Variants in MGA observed in about 807,000 individuals in gnomAD.
MGA encodes MAX dimerization protein MGA, also known as MAX gene-associated protein.
A neutral mutation model predicts 261.1 loss-of-function variants in MGA; 40 were observed. The ratio of observed to expected loss-of-function variants is 0.15; its 90% confidence interval spans 0.12 to 0.20. The LOEUF (loss-of-function observed/expected upper bound fraction) is 0.20, where lower values mean the gene tolerates loss of function less well. MGA is among the 10% of genes least tolerant of loss of function. The pLI, the probability that MGA is intolerant of heterozygous loss-of-function variation, is 1.00. For missense variants in MGA, 3,397 were observed against 3,630.5 expected, an observed-to-expected ratio of 0.94 and a Z score of 1.65; for synonymous variants, 1,302 against 1,290.6, an observed-to-expected ratio of 1.01 and a Z score of -0.19.
chr15:41,749,807 A>T lies in MGA; in HGVS notation c.6200A>T (p.Glu2067Val), dbSNP rs775182989. The change falls in exon 17 of 24, where the codon GAA becomes GTA. Residue 2067 changes from glutamate (E) to valine (V), a missense_variant. Glu to Val is a moderately radical substitution (Grantham distance 121, BLOSUM62 -2). This residue lies in a region of MGA where 1,410 missense variants were observed against 1,386.4 expected (regional missense o/e 1.02). Transcript: ENST00000219905. Reference sequence around the variant, plus strand: ...GATCAAGATTATAAAGATGTTAATGAAGAATATGGGGCTAGGAATCGTAAG... The same window carrying T: ...GATCAAGATTATAAAGATGTTAATGTAGAATATGGGGCTAGGAATCGTAAG... 4.3e-6 allele frequency: 7 copies of T among 1,613,984 alleles called. No homozygotes were observed. In the East Asian group the frequency reaches 1.6e-4, roughly 36 times the overall value.
At chr15:41,685,728 T>C (rs1215375213) in intron 2 of MGA, among the ~76,000 whole-genome samples, 1 of 152,146 alleles carries the variant, frequency 6.6e-6, no homozygotes, top group Non-Finnish European at 1.5e-5. Flanking sequence ...ACGTGGTGGC[T>C]CATGCTTGTA....
chr15:41,687,546 A>ATTT (rs2059035066), intron 2 of MGA, among the ~76,000 whole-genome samples: 1 of 152,052 alleles, frequency 6.6e-6, no homozygotes, highest in South Asian at 2.1e-4. Flanking sequence ...TAGATAATTG[A>ATTT]TTTTAGACTT....
rs990980251 is a variant in MGA at position 41,708,195 on chromosome 15, A to C, written c.2412A>C (p.Ala804=). The C allele has an allele frequency of 6.3e-7, 1 of 1,587,718 alleles. No individual in the cohort carries two copies. Among genetic ancestry groups the C allele is most frequent in the Non-Finnish European group, 8.6e-7 (1 of 1,165,554 alleles). The change falls in exon 7 of 24, where the codon GCA becomes GCC. Residue 804 remains alanine, a synonymous_variant. Transcript: ENST00000219905. ...GGGGAAAATTTCATAGTGCTTCTGC[A>C]TCTAGGAATGAAGGTAATTAGTTTT...
intron 13 of MGA, among the ~76,000 whole-genome samples, chr15:41,738,936 G>C (rs987427032): frequency 6.6e-6 from 1 of 152,174 alleles, no homozygotes; most frequent in African/African-American, 2.4e-5. Flanking sequence ...TGAAGATGGA[G>C]TTGCTTGCTG....
chr15:41,711,124 C>A lies in MGA; in HGVS notation c.2859C>A (p.Asn953Lys), dbSNP rs777598823. 6.2e-7 allele frequency: 1 copy of A among 1,613,924 alleles called. No homozygotes were observed. Among genetic ancestry groups the A allele is most frequent in the Non-Finnish European group, 8.5e-7 (1 of 1,179,916 alleles). Residue 953 changes from asparagine (N) to lysine (K), a missense_variant, in exon 8 of 24, where the codon AAC becomes AAA. Coordinates refer to ENST00000219905, the MANE Select transcript of MGA (RefSeq NM_001164273.2). ...TCATCTCAGAAAATCAGGCGAATAA[C>A]TTTGTTGTGCCAACTTTGGATGAAA...
rs1221782952 is a variant in MGA at position 41,750,309 on chromosome 15, C to T, written c.6702C>T (p.Ala2234=). Reference sequence around the variant, plus strand: ...GAAAAAGTGGAATTACTGAAGATGCCAGAGTTTTGAAAACTGAATGTGATT... The same window carrying T: ...GAAAAAGTGGAATTACTGAAGATGCTAGAGTTTTGAAAACTGAATGTGATT... The change falls in exon 17 of 24, where the codon GCC becomes GCT. Residue 2234 remains alanine, a synonymous_variant. Transcript: ENST00000219905. 3 of 1,613,948 alleles carry T rather than the reference C, an allele frequency of 1.9e-6. No individual in the cohort carries two copies. Among genetic ancestry groups the T allele is most frequent in the African/African-American group, 1.3e-5 (1 of 75,036 alleles).
At chr15:41,673,887 A>G (rs982959637) in intron 2 of MGA, among the ~76,000 whole-genome samples, 1 of 151,504 alleles carries the variant, frequency 6.6e-6, no homozygotes, top group South Asian at 2.1e-4. Context: ...TCTCCCATCT[A>G]ATACTGATTA....
intron 1 of MGA, among the ~76,000 whole-genome samples, chr15:41,635,185 T>C (rs1413372414): frequency 5.3e-5 from 8 of 151,792 alleles, no homozygotes; most frequent in Non-Finnish European, 1.2e-4. Context: ...AATACAAAAA[T>C]TGGCCGGGTG....
chr15:41,764,607 G>T (rs554474718), intron 22 of MGA, among the ~76,000 whole-genome samples: 201 of 151,796 alleles, frequency 1.3e-3, no homozygotes, highest in African/African-American at 4.7e-3. Context: ...GCAGTGTCTC[G>T]CTTGCAGCCT....
chr15:41,628,521 A>G (rs775872542), intron 1 of MGA, among the ~76,000 whole-genome samples: 1 of 152,100 alleles, frequency 6.6e-6, no homozygotes. Context: ...AAAGAGTAAG[A>G]CACACCCAAA....
At chr15:41,743,302 T>TCATGTTACATGTA (rs1204033048) in intron 15 of MGA, 130 bp downstream of exon 15, 4 of 1,188,428 alleles carry the variant, frequency 3.4e-6, no homozygotes, top group African/African-American at 3.1e-5. Flanking sequence ...GATACATGTA[T>TCATGTTACATGTA]TCCTGAAAAC....
chr15:41,758,625 T>C (rs767966982), intron 19 of MGA, among the ~76,000 whole-genome samples: 25 of 152,206 alleles, frequency 1.6e-4, no homozygotes, highest in Non-Finnish European at 3.1e-4. Context: ...TTCATTGTTT[T>C]GTACCCAAAT....
chr15:41,733,785 CTGT>C (rs1207667443), intron 11 of MGA, among the ~76,000 whole-genome samples: 1 of 152,052 alleles, frequency 6.6e-6, no homozygotes, highest in African/African-American at 2.4e-5. Flanking sequence ...GGCAGAATGC[CTGT>C]TAATAGAGGA....
At chr15:41,763,019 A>T (rs1567108223) in intron 22 of MGA, among the ~76,000 whole-genome samples, 1 of 151,204 alleles carries the variant, frequency 6.6e-6, no homozygotes, top group Non-Finnish European at 1.5e-5. Flanking sequence ...AGTTGGGTCT[A>T]GCTGAGACCA....
At position 41,765,019 on chromosome 15, in the gene MGA, T is replaced by C. The variant is rs778200281; in HGVS notation, c.7878T>C (p.Ser2626=). The change falls in exon 23 of 24, where the codon TCT becomes TCC. Residue 2626 remains serine, a synonymous_variant. Transcript: ENST00000219905. The stretch of plus-strand genomic sequence containing the variant: ...CTGTTTCTCCTGATCTCTTAGAATC[T>C]GATCTTAAGCCTCAAGTTGCCGGTA... 6.2e-7 allele frequency: 1 copy of C among 1,614,052 alleles called. No individual in the cohort carries two copies. Among genetic ancestry groups the C allele is most frequent in the Admixed American group, 1.7e-5 (1 of 60,032 alleles).
intron 1 of MGA, among the ~76,000 whole-genome samples, chr15:41,628,802 AC>A (rs1478876600): frequency 6.6e-6 from 1 of 152,126 alleles, no homozygotes; most frequent in African/African-American, 2.4e-5. Flanking sequence ...GAAAAATGAT[AC>A]CTAATTTATG....
At position 41,684,710 on chromosome 15, in the gene MGA, G is replaced by C. The variant is rs1449519193; in HGVS notation, c.1065-11365G>C. On this transcript the variant is annotated intron_variant, in intron 2 of 23. Coordinates refer to ENST00000219905, the MANE Select transcript of MGA (RefSeq NM_001164273.2). ...TTCTACATTATGAGAGTTATGTCTT[G>C]AAATGTGAAGATATCGAGAGAAAAA... 1.8e-5 allele frequency: 3 copies of C among 170,258 alleles called. No individual in the cohort carries two copies. The Admixed American group carries it at 1.8e-4, about 10-fold the overall frequency. 10.5% of individuals were successfully genotyped at this position (170,258 alleles called of 1,614,324 possible).
intron 1 of MGA, among the ~76,000 whole-genome samples, chr15:41,639,775 C>G (rs185989411): frequency 1.4e-3 from 219 of 152,084 alleles, no homozygotes; most frequent in African/African-American, 5.0e-3. Context: ...GTCTCGATCT[C>G]CTGACCTCGT....
rs1215196504 is a variant in MGA at position 41,740,184 on chromosome 15, C to T, written c.4566C>T (p.Val1522=). 17 of 1,613,858 alleles carry T rather than the reference C, an allele frequency of 1.1e-5. No individual in the cohort carries two copies. The highest frequency in any genetic ancestry group is 2.2e-5 in the East Asian group (1 of 44,886). The stretch of plus-strand genomic sequence containing the variant: ...CTGGGAAGAATCTGAAGGCGTTTGT[C>T]CCAGCAAAACGGCCAATTGGTAAGT... Residue 1522 remains valine, a synonymous_variant, in exon 14 of 24, where the codon GTC becomes GTT. Transcript: ENST00000219905.
Sources: allele counts gnomAD v4.1 joint callset (sites outside exome capture counted in the v4.1 genomes callset), GRCh38; gene constraint gnomAD v4.1.1; regional missense constraint gnomAD v4.1.1; transcripts MANE v1.5; gene names NCBI Gene and HGNC (gene_info 2026-07-23, HGNC 2026-07-21).